The following ADAMTS6 variants were observed in gnomAD, a reference collection of about 807,000 sequenced individuals.
ADAMTS6 encodes A disintegrin and metalloproteinase with thrombospondin motifs 6.
Under a neutral mutation model 144.3 loss-of-function variants are expected in ADAMTS6, and 23 were observed. The observed-to-expected ratio is 0.16, with a 90% CI of 0.11 to 0.23. ADAMTS6 has a LOEUF of 0.23. ADAMTS6 is among the 10% of genes least tolerant of loss of function. The pLI, the probability that ADAMTS6 is intolerant of heterozygous loss-of-function variation, is 1.00. For synonymous variants in ADAMTS6, 444 were observed against 457.5 expected, an observed-to-expected ratio of 0.97 and a Z score of 0.38; for missense variants, 999 against 1,379.6, an observed-to-expected ratio of 0.72 and a Z score of 4.37.
chr5:65,174,873 A>T (rs1329848726), intron 22 of ADAMTS6, among the ~76,000 whole-genome samples: 1 of 152,124 alleles, frequency 6.6e-6, no homozygotes, highest in Non-Finnish European at 1.5e-5. Context: ...CCCCACTAGG[A>T]ACTATGTTGA....
chr5:65,291,361 A>G lies in ADAMTS6; in HGVS notation c.1480T>C (p.Tyr494His). ...TTACATTGGCGGGAGGTTGCTCCAT[A>G]CTGGAAACGACATTGCTCATCAGCA... ...YDADEQCRFQ[Y>H]GATSRQCKYG... Residue 494 changes from tyrosine to histidine, a missense_variant, in exon 11 of 25, where the codon TAT becomes CAT. This residue lies in a region of ADAMTS6 where 619 missense variants were observed against 837.0 expected (regional missense o/e 0.74). Coordinates refer to ENST00000381055, the MANE Select transcript of ADAMTS6 (RefSeq NM_197941.4). 6.2e-7 allele frequency: 1 copy of G among 1,613,884 alleles called. No homozygotes were observed. The highest frequency in any genetic ancestry group is 8.5e-7 in the Non-Finnish European group (1 of 1,179,886).
intron 18 of ADAMTS6, among the ~76,000 whole-genome samples, chr5:65,217,029 T>C (rs1756981829): frequency 6.6e-6 from 1 of 152,238 alleles, no homozygotes; most frequent in Non-Finnish European, 1.5e-5. Flanking sequence ...CCAGCTCTTG[T>C]CCTTCATACT....
chr5:65,234,026 G>C (rs1758464062), intron 15 of ADAMTS6, among the ~76,000 whole-genome samples: 1 of 149,868 alleles, frequency 6.7e-6, no homozygotes, highest in South Asian at 2.1e-4. Context: ...ATAGAGTGAG[G>C]AGAGGGCAGT....
chr5:65,280,919 A>G (rs1329976227), intron 11 of ADAMTS6, among the ~76,000 whole-genome samples: 1 of 152,200 alleles, frequency 6.6e-6, no homozygotes, highest in Non-Finnish European at 1.5e-5. Flanking sequence ...ATCTTCCAAA[A>G]GTCAGAGTGA....
intron 5 of ADAMTS6, 86 bp downstream of exon 5, chr5:65,452,621 T>C: frequency 7.1e-7 from 1 of 1,412,336 alleles, no homozygotes; most frequent in Non-Finnish European, 9.7e-7. Context: ...TTCTTATCAT[T>C]ATTTACTTCA....
chr5:65,431,861 G>A (rs1443440459), intron 7 of ADAMTS6, among the ~76,000 whole-genome samples: 1 of 151,930 alleles, frequency 6.6e-6, no homozygotes, highest in Non-Finnish European at 1.5e-5. Flanking sequence ...GAGGTCTCAG[G>A]GCTAGAGATG....
intron 22 of ADAMTS6, among the ~76,000 whole-genome samples, chr5:65,174,345 G>C (rs1426533473): frequency 6.6e-6 from 1 of 152,202 alleles, no homozygotes; most frequent in Non-Finnish European, 1.5e-5. Context: ...GGACGGTCGA[G>C]GCAGCCCCTT....
intron 9 of ADAMTS6, among the ~76,000 whole-genome samples, chr5:65,325,752 C>G (rs1401355865): frequency 6.6e-6 from 1 of 152,082 alleles, no homozygotes; most frequent in East Asian, 1.9e-4. Context: ...CTTGGCCTCT[C>G]AAAATGCTGG....
chr5:65,365,934 T>C (rs1315430270), intron 7 of ADAMTS6, among the ~76,000 whole-genome samples: 2 of 152,146 alleles, frequency 1.3e-5, no homozygotes, highest in African/African-American at 4.8e-5. Context: ...GAAATGAGCA[T>C]TTATTTCTAT....
chr5:65,396,140 T>TG (rs906272851), intron 7 of ADAMTS6, among the ~76,000 whole-genome samples: 1 of 152,104 alleles, frequency 6.6e-6, no homozygotes, highest in Non-Finnish European at 1.5e-5. Context: ...AATAAAAAAA[T>TG]GAAGTAAACT....
At chr5:65,475,857 C>CT (rs1257375980) in intron 1 of ADAMTS6, among the ~76,000 whole-genome samples, 3 of 152,194 alleles carry the variant, frequency 2.0e-5, no homozygotes, top group Non-Finnish European at 4.4e-5. Flanking sequence ...CATATTGCTT[C>CT]TTTTAATCTC....
intron 24 of ADAMTS6, among the ~76,000 whole-genome samples, chr5:65,163,358 C>A (rs1752905225): frequency 6.6e-6 from 1 of 152,058 alleles, no homozygotes; most frequent in South Asian, 2.1e-4. Flanking sequence ...AGCAGTAAAG[C>A]CAGAGATTCT....
At chr5:65,262,111 C>A (rs1172549524) in intron 13 of ADAMTS6, among the ~76,000 whole-genome samples, 1 of 152,062 alleles carries the variant, frequency 6.6e-6, no homozygotes, top group Non-Finnish European at 1.5e-5. Flanking sequence ...CTAGAGGAAC[C>A]GTTCACCTGT....
At chr5:65,389,335 T>C (rs1752728011) in intron 7 of ADAMTS6, among the ~76,000 whole-genome samples, 1 of 152,218 alleles carries the variant, frequency 6.6e-6, no homozygotes, top group South Asian at 2.1e-4. Context: ...ATACTCACTT[T>C]GAGAAAGCAA....
chr5:65,259,376 TCAAACAAA>T (rs150243891), intron 14 of ADAMTS6, among the ~76,000 whole-genome samples: 20,024 of 149,638 alleles, frequency 0.13, 1,429 homozygotes, highest in African/African-American at 0.16. Flanking sequence ...AGGCTCTGTC[TCAAACAAA>T]CAAACAAACA....
intron 9 of ADAMTS6, 25 bp downstream of exon 9, chr5:65,329,353 T>C (rs1205563470): frequency 2.5e-6 from 4 of 1,606,500 alleles, no homozygotes. Flanking sequence ...CTAAAATTTA[T>C]TTTGATTTTC....
chr5:65,252,314 CT>C lies in ADAMTS6; in HGVS notation c.1830+8285del, dbSNP rs57061439. Among the ~76,000 whole-genome samples, 12 of 149,678 alleles carry C rather than the reference CT, an allele frequency of 8.0e-5. No homozygotes were observed. The South Asian group carries it at 2.1e-3, about 26-fold the overall frequency. ...GCTCGGAGCAAAATTTGTGACCAAT[CT>C]TTTTTTTTTCTTTTTTTGAGATGGA... On this transcript the variant is annotated intron_variant, in intron 14 of 24. Transcript: ENST00000381055.
At position 65,151,905 on chromosome 5, in the gene ADAMTS6, C is replaced by G; in HGVS notation, c.3285G>C (p.Val1095=). 1 of 1,613,910 alleles carries G rather than the reference C, an allele frequency of 6.2e-7. No individual in the cohort carries two copies. Among genetic ancestry groups the G allele is most frequent in the Non-Finnish European group, 8.5e-7 (1 of 1,179,840 alleles). ...CTCGACTGCAGAACTTGAACTTCAGCACCAGTGGGCAATAAGCCACTTTAT... is the reference window on the plus strand; with the variant it reads ...CTCGACTGCAGAACTTGAACTTCAGGACCAGTGGGCAATAAGCCACTTTAT... ...DVNKVAYCPL[V]LKFKFCSRAY... The change falls in exon 25 of 25, where the codon GTG becomes GTC. Residue 1095 remains valine (V), a synonymous_variant. Coordinates refer to ENST00000381055, the MANE Select transcript of ADAMTS6 (RefSeq NM_197941.4).
chr5:65,368,280 T>G (rs935415917), intron 7 of ADAMTS6, among the ~76,000 whole-genome samples: 2 of 152,178 alleles, frequency 1.3e-5, no homozygotes, highest in Admixed American at 1.3e-4. Flanking sequence ...CAGCATTTCT[T>G]TTGGATCCTG....
Sources: allele counts gnomAD v4.1 joint callset (sites outside exome capture counted in the v4.1 genomes callset), GRCh38; gene constraint gnomAD v4.1.1; regional missense constraint gnomAD v4.1.1; transcripts MANE v1.5; gene names NCBI Gene and HGNC (gene_info 2026-07-23, HGNC 2026-07-21).